SERINC2: variants seen among roughly 807,000 people sequenced by gnomAD.
SERINC2 encodes the protein serine incorporator 2.
SERINC2 carries 56 observed loss-of-function variants against 54.2 expected under a neutral mutation model. The observed-to-expected ratio is 1.03, with a 90% CI of 0.83 to 1.29. The LOEUF is 1.29. SERINC2 is among the 50% of genes most tolerant of loss of function. The probability of loss-of-function intolerance (pLI) is 0.00; values close to 1 mark genes in which losing one functional copy is unlikely to be tolerated. For synonymous variants in SERINC2, 272 were observed against 253.1 expected (o/e 1.07, Z -0.71); for missense variants, 614 against 607.4 (o/e 1.01, Z -0.12).
In SERINC2 at chr1:31,429,013, G is replaced by A. The variant is rs146752481; in HGVS notation, c.816G>A (p.Ser272=). 1.5e-3 allele frequency: 2,411 copies of A among 1,613,954 alleles called. 28 individuals are homozygous for A. The highest frequency in any genetic ancestry group is 0.014 in the South Asian group (1,300 of 91,068). ...CCAACTCGGGTCTGCTGCAGGCCTC[G>A]GTCATCACCCTCTACACCATGTTTG... ...AQPNSGLLQA[S]VITLYTMFVT... Residue 272 remains serine (S), a synonymous_variant, in exon 7 of 10, where the codon TCG becomes TCA. Transcript: ENST00000373709.
Position 31,418,366 on chromosome 1 carries a change from CTTTAT to C in SERINC2, c.39+5079_39+5083del, listed in dbSNP as rs1186346558. Among the ~76,000 whole-genome samples the C allele has an allele frequency of 5.3e-5, 8 of 151,924 alleles. No homozygotes were observed. The East Asian group carries it at 7.7e-4, about 15-fold the overall frequency. On this transcript the variant is annotated intron_variant, in intron 1 of 9. Transcript: ENST00000373709. ...ATATATATCCAGAAGTGGAGGGCCACTTTATTTTATTTTATTTTATTAAATTTTGA... is the reference window on the plus strand; with the variant it reads ...ATATATATCCAGAAGTGGAGGGCCACTTTATTTTATTTTATTAAATTTTGA...
chr1:31,410,663 T>C (rs1640632502), upstream of SERINC2, among the ~76,000 whole-genome samples: 1 of 152,188 alleles, frequency 6.6e-6, no homozygotes, highest in Non-Finnish European at 1.5e-5. Context: ...CTCTGTGAGG[T>C]TAAACAGAAT....
At chr1:31,429,583 C>T (rs1553134185) in intron 8 of SERINC2, 45 bp downstream of exon 8, 3 of 1,548,602 alleles carry the variant, frequency 1.9e-6, no homozygotes, top group Non-Finnish European at 2.6e-6. Flanking sequence ...GATTGAGGGC[C>T]CTGAGCCAGA....
rs10914376 is a variant in SERINC2 at position 31,413,717 on chromosome 1, C to T, written c.39+413C>T. 22 of 1,284,848 alleles carry T rather than the reference C, an allele frequency of 1.7e-5. No homozygotes were observed. The highest frequency in any genetic ancestry group is 2.2e-5 in the Non-Finnish European group (22 of 1,014,516). The allele number at this position is 1,284,848 out of a possible 1,614,324, so 79.6% of individuals were successfully genotyped here. A position where few individuals can be genotyped will look rare whatever the true frequency, so the allele number is the denominator to read the frequency against. ...ACGCCCTGGTTCTCTGTGTAGGTCG[C>T]CCGGGCCCCGTCCCTCCTGGCGAGT... On this transcript the variant is annotated intron_variant, in intron 1 of 9. Transcript: ENST00000373709. The surrounding 1 kb of genome is among the most constrained non-coding windows in gnomAD (Gnocchi z 5.0).
upstream of SERINC2, chr1:31,410,066 C>A (rs192533590): frequency 1.9e-6 from 2 of 1,050,984 alleles, no homozygotes; most frequent in South Asian, 1.7e-5. Context: ...GACCAAATGA[C>A]CCCTACATGT....
intron 5 of SERINC2, 95 bp from the exon 6 acceptor site, chr1:31,426,559 G>A (rs1570050090): frequency 1.0e-6 from 1 of 986,442 alleles, no homozygotes; most frequent in Non-Finnish European, 1.5e-6. Context: ...AGCTGGAGAG[G>A]GGGAGAGCTG....
intron 8 of SERINC2, among the ~76,000 whole-genome samples, chr1:31,431,042 A>C (rs183178242): frequency 7.7e-4 from 117 of 151,948 alleles, no homozygotes; most frequent in African/African-American, 2.6e-3. Context: ...TCTTTGTCAC[A>C]TTTGATTCCT....
At chr1:31,431,550 C>T (rs184816212) in intron 8 of SERINC2, among the ~76,000 whole-genome samples, 146 of 152,332 alleles carry the variant, frequency 9.6e-4, no homozygotes, top group Admixed American at 2.5e-3. Flanking sequence ...TTCCCCTCCC[C>T]GACCTGGCAC....
chr1:31,434,091 C>T lies in SERINC2; in HGVS notation c.1260C>T (p.Ser420=), dbSNP rs1641399026. The T allele has an allele frequency of 1.9e-6, 3 of 1,614,000 alleles. No homozygotes were observed. Among genetic ancestry groups the T allele is most frequent in the Non-Finnish European group, 2.5e-6 (3 of 1,179,956 alleles). ...CCGGTGAGACCCGGAAGATGATCAGCACGTGGACCGCCGTGTGGGTGAAGA... is the reference window on the plus strand; with the variant it reads ...CCGGTGAGACCCGGAAGATGATCAGTACGTGGACCGCCGTGTGGGTGAAGA... The part of the protein sequence containing the change: ...YKPGETRKMI[S]TWTAVWVKIC... The change falls in exon 10 of 10, where the codon AGC becomes AGT. Residue 420 remains serine, a synonymous_variant. Transcript: ENST00000373709.
chr1:31,431,673 A>C (rs959229260), intron 8 of SERINC2, among the ~76,000 whole-genome samples: 1 of 151,928 alleles, frequency 6.6e-6, no homozygotes, highest in Non-Finnish European at 1.5e-5. Context: ...GCAGCAAAGA[A>C]GCATATGCAA....
chr1:31,429,289 T>C, intron 7 of SERINC2, 108 bp from the exon 8 acceptor site: 1 of 1,378,012 alleles, frequency 7.3e-7, no homozygotes, highest in South Asian at 1.4e-5. Context: ...AGTGGTTGGC[T>C]GTGTATCTGT....
At position 31,413,319 on chromosome 1, in the gene SERINC2, C is replaced by T. The variant is rs1553131742; in HGVS notation, c.39+15C>T. The T allele has an allele frequency of 1.6e-6, 2 of 1,252,716 alleles. No homozygotes were observed. The highest frequency in any genetic ancestry group is 1.0e-6 in the Non-Finnish European group (1 of 997,306). The allele number at this position is 1,252,716 out of a possible 1,614,324, so 77.6% of individuals were successfully genotyped here. A position where few individuals can be genotyped will look rare whatever the true frequency, so the allele number is the denominator to read the frequency against. ...TGCTCAGCTGCGTGAGTCCCGACCC[C>T]GGCGCCCGCCCGCGCGCGCCGCCCG... On this transcript the variant is annotated intron_variant, in intron 1 of 9. Transcript: ENST00000373709. This position sits in a 1 kb window ranked among gnomAD's most constrained non-coding sequence, Gnocchi z 5.0.
chr1:31,426,567 C>A, intron 5 of SERINC2, 87 bp from the exon 6 acceptor site: 1 of 1,106,274 alleles, frequency 9.0e-7, no homozygotes, highest in Non-Finnish European at 1.3e-6. Flanking sequence ...AGGGGGAGAG[C>A]TGCCAACAGG....
intron 6 of SERINC2, among the ~76,000 whole-genome samples, chr1:31,427,796 G>A (rs983743659): frequency 2.0e-5 from 3 of 150,546 alleles, no homozygotes; most frequent in African/African-American, 7.3e-5. Flanking sequence ...TCCAGAGTCT[G>A]TGCTCTGGTT....
In SERINC2 at chr1:31,432,064, GAC is replaced by G. The variant is rs1557500893; in HGVS notation, c.1014-901_1014-900del. Among the ~76,000 whole-genome samples, 37 of 133,654 alleles carry G rather than the reference GAC, an allele frequency of 2.8e-4. 1 individual carries two copies. The highest frequency in any genetic ancestry group is 5.2e-4 in the Admixed American group (7 of 13,520). 87.7% of individuals were successfully genotyped at this position (133,654 alleles called of 152,430 possible). On this transcript the variant is annotated intron_variant, in intron 8 of 9. Coordinates refer to ENST00000373709, the MANE Select transcript of SERINC2 (RefSeq NM_178865.5). ...CAGGGTGGACAGGGTGGACAGGGTG[GAC>G]AGGGTGGACAGGGTGGTTAGGGTGG... is the stretch of plus-strand genomic sequence containing the variant.
chr1:31,410,532 CT>C, upstream of SERINC2: 2 of 1,507,712 alleles, frequency 1.3e-6, no homozygotes, highest in Non-Finnish European at 1.8e-6. Flanking sequence ...TTACCTTGCT[CT>C]GGAAAATTTT....
intron 9 of SERINC2, 121 bp from the exon 10 acceptor site, chr1:31,433,943 G>A: frequency 1.0e-6 from 1 of 963,294 alleles, no homozygotes; most frequent in East Asian, 2.4e-5. Context: ...GAGATGGACT[G>A]GAGTTACAGG....
chr1:31,424,016 C>T (rs1346192029), intron 2 of SERINC2, among the ~76,000 whole-genome samples, 162 bp downstream of exon 2: 1 of 152,124 alleles, frequency 6.6e-6, no homozygotes, highest in African/African-American at 2.4e-5. Flanking sequence ...GGGCTTGAGC[C>T]TCTTGGGGGG....
chr1:31,409,857 G>C, upstream of SERINC2: 1 of 1,556,432 alleles, frequency 6.4e-7, no homozygotes, highest in Non-Finnish European at 8.7e-7. Flanking sequence ...AGGATGGTAA[G>C]AGGGGATGGG....
Sources: allele counts gnomAD v4.1 joint callset (sites outside exome capture counted in the v4.1 genomes callset), GRCh38; gene constraint gnomAD v4.1.1; non-coding constraint Gnocchi (gnomAD v3.1); transcripts MANE v1.5; gene names NCBI Gene and HGNC (gene_info 2026-07-23, HGNC 2026-07-21).